Variants in RYR3 observed in about 807,000 individuals in gnomAD.
The protein encoded by RYR3 is ryanodine receptor 3, also known as brain ryanodine receptor-calcium release channel.
Under a neutral mutation model 584.3 loss-of-function variants are expected in RYR3, and 207 were observed. The ratio of observed to expected loss-of-function variants is 0.35; its 90% CI spans 0.32 to 0.40. RYR3 has a LOEUF of 0.40. Among genes scored for constraint, RYR3 ranks in the 10% least tolerant of loss-of-function variants. The probability of loss-of-function intolerance (pLI) is 1.00; values close to 1 mark genes in which losing one functional copy is unlikely to be tolerated. For synonymous variants in RYR3, 2,416 were observed against 2,248.5 expected, an observed-to-expected ratio of 1.07 and a Z score of -2.11; for missense variants, 5,616 against 6,089.2, an observed-to-expected ratio of 0.92 and a Z score of 2.59.
chr15:33,780,475 AC>A, intron 65 of RYR3, 134 bp downstream of exon 65: 1 of 832,470 alleles, frequency 1.2e-6, no homozygotes, highest in Non-Finnish European at 1.8e-6. Context: ...GAGGTTAGGG[AC>A]TAGGTTGCAG....
chr15:33,469,755 A>G (rs1410608917), intron 1 of RYR3, among the ~76,000 whole-genome samples: 2 of 152,172 alleles, frequency 1.3e-5, no homozygotes, highest in Admixed American at 1.3e-4. Flanking sequence ...ACTGAGTAAC[A>G]GCTCCTCAGA....
chr15:33,771,720 T>C (rs780015341), intron 62 of RYR3, among the ~76,000 whole-genome samples, 200 bp from the exon 63 acceptor site: 18 of 152,226 alleles, frequency 1.2e-4, no homozygotes, highest in Non-Finnish European at 2.2e-4. Flanking sequence ...TTCCTCAGAC[T>C]GTCCAGTGGC....
rs763898319 is a variant in RYR3 at position 33,769,095 on chromosome 15, G to A, written c.8756-17G>A. The stretch of plus-strand genomic sequence containing the variant: ...TGAGTGGTTTGAGGGAATCACAGAT[G>A]ATTTTTTTTATTCCAGGTAGTGATT... On this transcript the variant is annotated splice_polypyrimidine_tract_variant and intron_variant, in intron 61 of 103. Transcript: ENST00000634891. The A allele has an allele frequency of 5.6e-6, 9 of 1,602,110 alleles. No homozygotes were observed. Among genetic ancestry groups the A allele is most frequent in the Middle Eastern group, 1.7e-4 (1 of 6,058 alleles).
chr15:33,601,465 T>C lies in RYR3; in HGVS notation c.1835T>C (p.Val612Ala). Reference protein sequence around the residue: ...CSLCLCNGVAVRANQNLICDN... With the variant: ...CSLCLCNGVAARANQNLICDN... ...CTCTGTCTCTGCAATGGGGTTGCAG[T>C]GAGAGCCAACCAGAATCTGATCTGT... is the stretch of plus-strand genomic sequence containing the variant. The change falls in exon 17 of 104, where the codon GTG (valine) becomes GCG (alanine). Residue 612 changes from valine to alanine, a missense_variant. Around this residue, in one of 9 missense-constraint regions of RYR3, gnomAD observed 1,284 missense variants for 1,344.6 expected, o/e 0.95. Transcript: ENST00000634891. 1 of 1,613,214 alleles carries C rather than the reference T, an allele frequency of 6.2e-7. No homozygotes were observed. Among genetic ancestry groups the C allele is most frequent in the African/African-American group, 1.3e-5 (1 of 74,988 alleles).
chr15:33,757,691 A>G (rs2071984237), intron 60 of RYR3, 95 bp downstream of exon 60: 4 of 1,308,518 alleles, frequency 3.1e-6, no homozygotes, highest in Non-Finnish European at 4.2e-6. Flanking sequence ...TTTTGGAGAA[A>G]TGAAACTGGA....
chr15:33,654,630 C>T (rs758652273), intron 32 of RYR3, among the ~76,000 whole-genome samples: 8 of 152,058 alleles, frequency 5.3e-5, no homozygotes, highest in African/African-American at 7.2e-5. Context: ...TGGACAACAT[C>T]GCATAGGGCT....
intron 6 of RYR3, 49 bp from the exon 7 acceptor site, chr15:33,540,742 G>A (rs2055750967): frequency 1.7e-6 from 2 of 1,157,632 alleles, no homozygotes; most frequent in Non-Finnish European, 2.6e-6. Context: ...GTTTCTGTCG[G>A]CACTGGACTG....
chr15:33,749,671 A>G (rs527254220), intron 55 of RYR3, among the ~76,000 whole-genome samples: 18 of 152,326 alleles, frequency 1.2e-4, no homozygotes, highest in Non-Finnish European at 2.2e-4. Context: ...AGCTGCTGTG[A>G]AAAATGATGT....
At chr15:33,520,430 A>G (rs532650209) in intron 3 of RYR3, among the ~76,000 whole-genome samples, 172 of 152,306 alleles carry the variant, frequency 1.1e-3, no homozygotes, top group African/African-American at 3.9e-3. Context: ...TCACTGGTCC[A>G]CTGTTTCATC....
At chr15:33,552,049 C>G (rs1368219091) in intron 10 of RYR3, among the ~76,000 whole-genome samples, 2 of 152,180 alleles carry the variant, frequency 1.3e-5, no homozygotes, top group African/African-American at 4.8e-5. Context: ...CCTTCTACCC[C>G]CTTTCTCCTT....
chr15:33,664,587 G>GTATATATATATATATATATA (rs879709155), intron 36 of RYR3, among the ~76,000 whole-genome samples: 1 of 42,626 alleles, frequency 2.3e-5, no homozygotes, highest in African/African-American at 7.4e-5. Flanking sequence ...GTGTGTGTGT[G>GTATATATATATATATATATA]TGTATATATA....
At chr15:33,848,203 T>C in intron 93 of RYR3, 88 bp from the exon 94 acceptor site, 30 of 1,528,940 alleles carry the variant, frequency 2.0e-5, no homozygotes, top group Non-Finnish European at 2.6e-5. Flanking sequence ...TGCTCTGAAG[T>C]TGGAAGGTTA....
intron 43 of RYR3, among the ~76,000 whole-genome samples, chr15:33,709,129 A>T (rs1566996658): frequency 6.6e-6 from 1 of 152,212 alleles, no homozygotes; most frequent in Non-Finnish European, 1.5e-5. Context: ...TTTAGAGCTC[A>T]TATCTAACAG....
At chr15:33,664,678 G>T (rs2063395117) in intron 36 of RYR3, among the ~76,000 whole-genome samples, 2 of 147,992 alleles carry the variant, frequency 1.4e-5, no homozygotes, top group Admixed American at 1.4e-4. Context: ...CCTCCCCAGG[G>T]TTCTTGCAAG....
chr15:33,580,123 A>T lies in RYR3; in HGVS notation c.1416A>T (p.Arg472Ser). The T allele has an allele frequency of 6.2e-7, 1 of 1,608,782 alleles. No homozygotes were observed. Among genetic ancestry groups the T allele is most frequent in the East Asian group, 2.2e-5 (1 of 44,630 alleles). ...ACAAGCTCCGCTCACTCAAAAACAGACAAAATCTTTTCAAGGAAGAGGTAA... is the reference window on the plus strand; with the variant it reads ...ACAAGCTCCGCTCACTCAAAAACAGTCAAAATCTTTTCAAGGAAGAGGTAA... ...KQNKLRSLKN[R>S]QNLFKEEGML... The change falls in exon 13 of 104, where the codon AGA becomes AGT. Residue 472 changes from arginine to serine, a missense_variant. Around this residue, in one of 9 missense-constraint regions of RYR3, gnomAD observed 1,284 missense variants for 1,344.6 expected, o/e 0.95. Transcript: ENST00000634891.
intron 62 of RYR3, among the ~76,000 whole-genome samples, chr15:33,769,397 C>A (rs1025825222): frequency 6.6e-6 from 1 of 152,324 alleles, no homozygotes; most frequent in African/African-American, 2.4e-5. Context: ...CAATTCTTAT[C>A]TTTCCTTCCT....
rs763332893 is a variant in RYR3 at position 33,697,878 on chromosome 15, C to T, written c.6135-4C>T. On this transcript the variant is annotated splice_region_variant and splice_polypyrimidine_tract_variant and intron_variant, in intron 39 of 103. Coordinates refer to ENST00000634891, the MANE Select transcript of RYR3 (RefSeq NM_001036.6). ...CTGAAGACTCTCTCTGATCCTTATC[C>T]TAGAGACATAATGAACAACAAGGTG... 3 of 1,573,714 alleles carry T rather than the reference C, an allele frequency of 1.9e-6. No homozygotes were observed. Among genetic ancestry groups the T allele is most frequent in the South Asian group, 1.1e-5 (1 of 90,298 alleles).
intron 42 of RYR3, among the ~76,000 whole-genome samples, chr15:33,704,440 C>T (rs1257365657): frequency 6.6e-6 from 1 of 152,144 alleles, no homozygotes; most frequent in South Asian, 2.1e-4. Flanking sequence ...GCTCTGTAGG[C>T]CTGTGTTGTG....
intron 38 of RYR3, among the ~76,000 whole-genome samples, chr15:33,677,494 G>A (rs910314722): frequency 2.4e-4 from 37 of 151,978 alleles, no homozygotes; most frequent in African/African-American, 8.7e-4. Context: ...TCATTTAATC[G>A]CCTACATGTA....
Sources: gnomAD v4.1 joint callset for allele counts (sites outside exome capture counted in the v4.1 genomes callset) on GRCh38, gnomAD v4.1.1 for gene constraint, gnomAD v4.1.1 regional missense constraint, MANE v1.5 for transcripts, NCBI Gene and HGNC (gene_info 2026-07-23, HGNC 2026-07-21) for gene names.